CPB2: variants seen among roughly 807,000 people sequenced by gnomAD.
CPB2 encodes carboxypeptidase B-like protein.
CPB2 carries 54 observed loss-of-function variants against 57.0 expected under a neutral mutation model. The ratio of observed to expected loss-of-function variants is 0.95; its 90% CI spans 0.76 to 1.19. CPB2 has a LOEUF of 1.19. Among genes scored for constraint, CPB2 ranks in the 50% most tolerant of loss-of-function variants. The pLI is 0.00. For missense variants in CPB2, 426 were observed against 512.0 expected (o/e 0.83, Z 1.62); for synonymous variants, 189 against 178.1 (o/e 1.06, Z -0.49).
chr13:46,059,910 A>G (rs982348589), intron 8 of CPB2, among the ~76,000 whole-genome samples: 1 of 152,218 alleles, frequency 6.6e-6, no homozygotes, highest in Non-Finnish European at 1.5e-5. Context: ...GGTCTTCCCA[A>G]GTATTTCATT....
intron 2 of CPB2, among the ~76,000 whole-genome samples, chr13:46,087,118 C>T (rs950986005): frequency 1.1e-4 from 16 of 152,132 alleles, no homozygotes; most frequent in Non-Finnish European, 1.8e-4. Flanking sequence ...CTGCTCCTGG[C>T]CCCCAAGAGC....
intron 8 of CPB2, among the ~76,000 whole-genome samples, chr13:46,061,914 G>C (rs2044778133): frequency 6.6e-6 from 1 of 152,188 alleles, no homozygotes; most frequent in Non-Finnish European, 1.5e-5. Flanking sequence ...TCTAGTTGTA[G>C]GGATGAGAAA....
chr13:46,066,628 A>G (rs891757897), intron 7 of CPB2, among the ~76,000 whole-genome samples: 1 of 152,158 alleles, frequency 6.6e-6, no homozygotes, highest in Non-Finnish European at 1.5e-5. Flanking sequence ...GTGCATCACA[A>G]GGGCAGGAGT....
chr13:46,086,059 C>A (rs532860598), intron 2 of CPB2, among the ~76,000 whole-genome samples: 4 of 152,248 alleles, frequency 2.6e-5, no homozygotes, highest in African/African-American at 9.6e-5. Flanking sequence ...GACCAGGTGT[C>A]CCTCAAGCAG....
intron 8 of CPB2, among the ~76,000 whole-genome samples, chr13:46,058,900 G>A (rs183312509): frequency 3.4e-4 from 52 of 152,302 alleles, no homozygotes; most frequent in African/African-American, 1.0e-3. Flanking sequence ...CCAGACCAAC[G>A]TTCATTCATT....
rs1444196990 is a variant in CPB2, at chr13:46,073,411, C to T, written c.591+462G>A. The T allele has an allele frequency of 1.2e-5, 10 of 852,632 alleles. No homozygotes were observed. The Admixed American group carries it at 6.2e-4, about 53-fold the overall frequency. The allele number at this position is 852,632 out of a possible 1,614,324, so 52.8% of individuals were successfully genotyped here. ...AACCCTTCTTCAGGAACAAAATTCC[C>T]TATTATGACATATGAGAAAACATAT... On this transcript the variant is annotated intron_variant, in intron 6 of 10. Coordinates refer to ENST00000181383, the MANE Select transcript of CPB2 (RefSeq NM_001872.5).
intron 4 of CPB2, among the ~76,000 whole-genome samples, chr13:46,080,971 CAAAAAAAAAA>C (rs11412601): frequency 9.1e-5 from 9 of 98,652 alleles, no homozygotes; most frequent in Admixed American, 2.3e-4. Context: ...AACTCTGTCT[CAAAAAAAAAA>C]AAAAAAAAAG....
chr13:46,082,496 G>A lies in CPB2; in HGVS notation c.329C>T (p.Thr110Ile). Residue 110 changes from threonine (T) to isoleucine (I), a missense_variant, in exon 4 of 11, where the codon ACA (threonine) becomes ATA (isoleucine). Transcript: ENST00000181383. ...DLIQQQISND[T>I]VSPRASASYY... is the part of the protein sequence containing the mutation. Reference sequence around the variant, plus strand: ...CGATGCGGAGGCTCGGGGGCTGACTGTGTCGTTGGAAATCTGCTGTTGAAT... The same window carrying A: ...CGATGCGGAGGCTCGGGGGCTGACTATGTCGTTGGAAATCTGCTGTTGAAT... 6.2e-7 allele frequency: 1 copy of A among 1,613,786 alleles called. No homozygotes were observed. Among genetic ancestry groups the A allele is most frequent in the Non-Finnish European group, 8.5e-7 (1 of 1,179,768 alleles).
Position 46,062,434 on chromosome 13 carries a change from G to A in CPB2, c.796+2214C>T, listed in dbSNP as rs148209100. ...AGATGAACTATGTCAATGGCTCAGC[G>A]CTGAGTAACTGTCAGCTCTATTTAC... On this transcript the variant is annotated intron_variant, in intron 8 of 10. Coordinates refer to ENST00000181383, the MANE Select transcript of CPB2 (RefSeq NM_001872.5). Among the ~76,000 whole-genome samples, 14 of 152,262 alleles carry A rather than the reference G, an allele frequency of 9.2e-5. No individual in the cohort carries two copies. In the East Asian group the frequency reaches 2.5e-3, roughly 27 times the overall value.
rs1319879181 is a variant in CPB2, at chr13:46,084,213, G to A, written c.275+6C>T. 6.2e-7 allele frequency: 1 copy of A among 1,614,030 alleles called. No homozygotes were observed. The highest frequency in any genetic ancestry group is 1.1e-5 in the South Asian group (1 of 91,070). On this transcript the variant is annotated splice_donor_region_variant and intron_variant, in intron 3 of 10. Coordinates refer to ENST00000181383, the MANE Select transcript of CPB2 (RefSeq NM_001872.5). ...AACTACTCAATACGTATTGAACGGTGCCTACCTGCATGGAATTCCGCTCAC... is the reference window on the plus strand; with the variant it reads ...AACTACTCAATACGTATTGAACGGTACCTACCTGCATGGAATTCCGCTCAC...
In CPB2 at chr13:46,053,547, A is replaced by G; in HGVS notation, c.*67T>C. Reference sequence around the variant, plus strand: ...GGATAAAACTTAAAAATAATTTGATACAATGATTTGGTCTTGCTGGAATCA... The same window carrying G: ...GGATAAAACTTAAAAATAATTTGATGCAATGATTTGGTCTTGCTGGAATCA... On this transcript the variant is annotated 3_prime_UTR_variant, in exon 11 of 11. Transcript: ENST00000181383. The G allele has an allele frequency of 6.4e-7, 1 of 1,558,304 alleles. No homozygotes were observed. Among genetic ancestry groups the G allele is most frequent in the Non-Finnish European group, 8.7e-7 (1 of 1,150,644 alleles).
rs2044979109 is a variant in CPB2, at chr13:46,073,725, AC to A, written c.591+147del. The stretch of plus-strand genomic sequence containing the variant: ...TTCAACTTACTAATGCATAAAAGTC[AC>A]CTGGGAAACTTGTGAAAATTGTAGA... On this transcript the variant is annotated intron_variant, in intron 6 of 10. Transcript: ENST00000181383. 1.4e-5 allele frequency: 7 copies of A among 510,722 alleles called. No individual in the cohort carries two copies. The South Asian group carries it at 3.4e-4, about 24-fold the overall frequency. 31.6% of individuals were successfully genotyped at this position (510,722 alleles called of 1,614,324 possible).
At chr13:46,058,620 C>A (rs918333799) in intron 8 of CPB2, among the ~76,000 whole-genome samples, 3 of 152,186 alleles carry the variant, frequency 2.0e-5, no homozygotes, top group African/African-American at 7.2e-5. Context: ...CCCTTGCAAC[C>A]TTGAGAAAGT....
chr13:46,102,540 C>CAAAAAAA (rs10624204), intron 1 of CPB2, among the ~76,000 whole-genome samples: 4 of 108,214 alleles, frequency 3.7e-5, no homozygotes, highest in East Asian at 3.0e-4. Context: ...ATGATTATGA[C>CAAAAAAA]AAAAAAAAAA....
At position 46,064,711 on chromosome 13, in the gene CPB2, A is replaced by T; in HGVS notation, c.733T>A (p.Tyr245Asn). The T allele has an allele frequency of 6.2e-7, 1 of 1,614,170 alleles. No homozygotes were observed. The highest frequency in any genetic ancestry group is 8.5e-7 in the Non-Finnish European group (1 of 1,179,992). Residue 245 changes from tyrosine to asparagine, a missense_variant, in exon 8 of 11, where the codon TAT becomes AAT. Coordinates refer to ENST00000181383, the MANE Select transcript of CPB2 (RefSeq NM_001872.5). ...GTTCCGATGCAATGATTGTTCGCAT[A>T]GAAAGAACGGTTCTTTCTCCACATT... is the stretch of plus-strand genomic sequence containing the variant. Reference protein sequence around the residue: ...NRMWRKNRSFYANNHCIGTDL... With the variant: ...NRMWRKNRSFNANNHCIGTDL...
At chr13:46,068,084 A>C (rs1593890641) in intron 6 of CPB2, among the ~76,000 whole-genome samples, 1 of 152,384 alleles carries the variant, frequency 6.6e-6, no homozygotes, top group Non-Finnish European at 1.5e-5. Context: ...CAAAATGTAC[A>C]GGCAGGAGAA....
At chr13:46,071,307 G>A (rs1394478564) in intron 6 of CPB2, among the ~76,000 whole-genome samples, 1 of 152,178 alleles carries the variant, frequency 6.6e-6, no homozygotes, top group Non-Finnish European at 1.5e-5. Context: ...AGTCATAGTA[G>A]GGGTGAGAAA....
Position 46,078,788 on chromosome 13 carries a change from CCCA to C in CPB2, c.486+9_486+11del. 6.5e-7 allele frequency: 1 copy of C among 1,546,746 alleles called. No homozygotes were observed. The highest frequency in any genetic ancestry group is 8.9e-7 in the Non-Finnish European group (1 of 1,119,922). ...TCACAGTGAAAGATCAACAACTTTC[CCCA>C]CAACATACCTTTAAAACATAGAGTG... On this transcript the variant is annotated intron_variant, in intron 5 of 10. Coordinates refer to ENST00000181383, the MANE Select transcript of CPB2 (RefSeq NM_001872.5).
chr13:46,053,720 G>T lies in CPB2; in HGVS notation c.1166C>A (p.Thr389Lys), dbSNP rs1237191853. Reference sequence around the variant, plus strand: ...CGGCAGCAAGAATCCGTATGTGCCCGTATCTCGAAGTTCAATTGTAAACGA... The same window carrying T: ...CGGCAGCAAGAATCCGTATGTGCCCTTATCTCGAAGTTCAATTGTAAACGA... ...KYSFTIELRDTGTYGFLLPER... is the reference protein window; with the variant it reads ...KYSFTIELRDKGTYGFLLPER... The change falls in exon 11 of 11, where the codon ACG becomes AAG. Residue 389 changes from threonine to lysine, a missense_variant. Transcript: ENST00000181383. 2 of 1,614,090 alleles carry T rather than the reference G, an allele frequency of 1.2e-6. No homozygotes were observed. The highest frequency in any genetic ancestry group is 2.2e-5 in the East Asian group (1 of 44,876).
Sources: gnomAD v4.1 joint callset for allele counts (sites outside exome capture counted in the v4.1 genomes callset) on GRCh38, gnomAD v4.1.1 for gene constraint, MANE v1.5 for transcripts, NCBI Gene and HGNC (gene_info 2026-07-23, HGNC 2026-07-21) for gene names.